NRG3: variants seen among roughly 807,000 people sequenced by gnomAD.
NRG3 encodes the protein pro-neuregulin-3, membrane-bound isoform.
A neutral mutation model predicts 66.9 loss-of-function variants in NRG3; 31 were observed. That is an observed-to-expected ratio of 0.46 (90% CI 0.35 to 0.63). The LOEUF (loss-of-function observed/expected upper bound fraction) is 0.63. NRG3 is among the 20% of genes least tolerant of loss of function. NRG3 has a pLI of 0.00. For missense variants in NRG3, 910 were observed against 878.9 expected (o/e 1.04, Z -0.45); for synonymous variants, 393 against 359.4 (o/e 1.09, Z -1.06).
At chr10:82,537,442 G>C (rs2043238334) in intron 2 of NRG3, among the ~76,000 whole-genome samples, 1 of 151,952 alleles carries the variant, frequency 6.6e-6, no homozygotes, top group Non-Finnish European at 1.5e-5. Context: ...TTGTAAATTG[G>C]GACCCCTTTT....
intron 1 of NRG3, among the ~76,000 whole-genome samples, chr10:82,005,312 C>T (rs949148867): frequency 1.3e-5 from 2 of 152,174 alleles, no homozygotes; most frequent in Admixed American, 1.3e-4. Flanking sequence ...TGAAATAAGA[C>T]TTACAACACT....
chr10:82,194,139 T>C (rs916870272), intron 1 of NRG3, among the ~76,000 whole-genome samples: 1 of 152,106 alleles, frequency 6.6e-6, no homozygotes, highest in African/African-American at 2.4e-5. Context: ...GGTCTTTCCA[T>C]TTGGTAATGT....
intron 4 of NRG3, among the ~76,000 whole-genome samples, chr10:82,942,619 A>C (rs1848672299): frequency 6.6e-6 from 1 of 152,208 alleles, no homozygotes; most frequent in Non-Finnish European, 1.5e-5. Context: ...CAGTGGAGAG[A>C]ATCTTTTTGG....
chr10:82,153,086 C>G (rs1204453642), intron 1 of NRG3, among the ~76,000 whole-genome samples: 1 of 152,024 alleles, frequency 6.6e-6, no homozygotes, highest in Non-Finnish European at 1.5e-5. Flanking sequence ...AAAATCTACT[C>G]TTTTAGCAAT....
intron 2 of NRG3, among the ~76,000 whole-genome samples, chr10:82,473,816 G>A (rs1841500282): frequency 6.6e-6 from 1 of 152,128 alleles, no homozygotes; most frequent in Admixed American, 6.5e-5. Context: ...ACCGCAGTCT[G>A]AAGGAAGCCA....
At chr10:82,437,501 T>C (rs2090203144) in intron 2 of NRG3, among the ~76,000 whole-genome samples, 1 of 152,046 alleles carries the variant, frequency 6.6e-6, no homozygotes, top group South Asian at 2.1e-4. Context: ...TAGCTCATCA[T>C]AGTTTTTTAC....
chr10:82,536,348 G>C (rs1847812711), intron 2 of NRG3, among the ~76,000 whole-genome samples: 1 of 152,204 alleles, frequency 6.6e-6, no homozygotes, highest in Admixed American at 6.5e-5. Flanking sequence ...TTTTCCATTA[G>C]ACATGAATGG....
chr10:82,491,318 A>T (rs1233614876), intron 2 of NRG3, among the ~76,000 whole-genome samples: 168 of 133,166 alleles, frequency 1.3e-3, no homozygotes, highest in Middle Eastern at 4.0e-3. Context: ...ATATATATAA[A>T]ATAAAGATGC....
chr10:82,075,999 A>C (rs2065071389), intron 1 of NRG3, among the ~76,000 whole-genome samples: 1 of 152,180 alleles, frequency 6.6e-6, no homozygotes, highest in African/African-American at 2.4e-5. Flanking sequence ...AATGAGTAAA[A>C]AGACTGAGGG....
At chr10:82,029,503 A>G (rs1272613907) in intron 1 of NRG3, among the ~76,000 whole-genome samples, 5 of 152,166 alleles carry the variant, frequency 3.3e-5, no homozygotes, top group Admixed American at 6.5e-5. Context: ...TCAACCCAAC[A>G]TCTTCCTGGG....
At chr10:82,805,805 T>G (rs1159946326) in intron 3 of NRG3, among the ~76,000 whole-genome samples, 1 of 152,204 alleles carries the variant, frequency 6.6e-6, no homozygotes. Context: ...GATGGTCCTA[T>G]AGTCTCTAAA....
chr10:82,223,644 C>A (rs1649975), intron 1 of NRG3, among the ~76,000 whole-genome samples: 6,238 of 35,954 alleles, frequency 0.17, 181 homozygotes, highest in Middle Eastern at 0.34. Flanking sequence ...CCACCCCAAA[C>A]ACACACACAC....
At chr10:82,481,078 A>G (rs777116079) in intron 2 of NRG3, among the ~76,000 whole-genome samples, 45 of 152,284 alleles carry the variant, frequency 3.0e-4, no homozygotes, top group Non-Finnish European at 5.3e-4. Flanking sequence ...AACTCTGCCA[A>G]GGAGCTTGCT....
intron 2 of NRG3, among the ~76,000 whole-genome samples, chr10:82,679,500 G>C (rs2053955964): frequency 6.6e-6 from 1 of 152,098 alleles, no homozygotes; most frequent in Non-Finnish European, 1.5e-5. Flanking sequence ...ACTGTTCTAA[G>C]TCTTTACATA....
At chr10:82,274,009 A>G (rs1251399876) in intron 1 of NRG3, among the ~76,000 whole-genome samples, 2 of 152,048 alleles carry the variant, frequency 1.3e-5, no homozygotes, top group Non-Finnish European at 2.9e-5. Flanking sequence ...CTTTAAAATT[A>G]TTGCAAACGT....
chr10:82,843,144 A>G (rs1418507935), intron 3 of NRG3: 1 of 403,984 alleles, frequency 2.5e-6, no homozygotes, highest in Non-Finnish European at 5.1e-6. Flanking sequence ...ACTCTGAAAC[A>G]TGCTTATTGC....
At chr10:82,735,973 T>C (rs2058135819) in intron 2 of NRG3, among the ~76,000 whole-genome samples, 1 of 152,128 alleles carries the variant, frequency 6.6e-6, no homozygotes, top group Non-Finnish European at 1.5e-5. Flanking sequence ...GATTTGTGTT[T>C]TTTAAAACAT....
At chr10:81,880,639 C>G (rs956750216) in intron 1 of NRG3, among the ~76,000 whole-genome samples, 1 of 152,146 alleles carries the variant, frequency 6.6e-6, no homozygotes, top group African/African-American at 2.4e-5. Flanking sequence ...TGTAGAAATT[C>G]TTTCCTCATA....
intron 2 of NRG3, among the ~76,000 whole-genome samples, chr10:82,728,816 A>G (rs887686016): frequency 2.0e-5 from 3 of 152,184 alleles, no homozygotes; most frequent in African/African-American, 7.2e-5. Context: ...GTGACAATGA[A>G]CCCAGCCTAC....
Sources: gnomAD v4.1 joint callset for allele counts (sites outside exome capture counted in the v4.1 genomes callset) on GRCh38, gnomAD v4.1.1 for gene constraint, MANE v1.5 for transcripts, NCBI Gene and HGNC (gene_info 2026-07-23, HGNC 2026-07-21) for gene names.